ZNF141: variants seen among roughly 807,000 people sequenced by gnomAD.
ZNF141 encodes the protein zinc finger protein 141.
In ZNF141, 7 loss-of-function variants were observed where a neutral mutation model predicts 11.3. The observed-to-expected ratio is 0.62, with a 90% confidence interval of 0.35 to 1.16. The LOEUF (loss-of-function observed/expected upper bound fraction) is 1.16, where lower values mean the gene tolerates loss of function less well. Ranked by LOEUF, ZNF141 falls within the 50% of genes most tolerant of loss-of-function variation. The pLI, the probability that ZNF141 is intolerant of heterozygous loss-of-function variation, is 0.02. For synonymous variants in ZNF141, 183 were observed against 190.7 expected (o/e 0.96, Z 0.33); for missense variants, 535 against 554.0 (o/e 0.97, Z 0.34).
chr4:383,962 GC>G lies in ZNF141; in HGVS notation c.*10101del, dbSNP rs2108665542. 1 of 152,362 alleles carries G rather than the reference GC, an allele frequency of 6.6e-6. No individual in the cohort carries two copies. The highest frequency in any genetic ancestry group is 1.9e-4 in the East Asian group (1 of 5,186). The allele number at this position is 152,362 out of a possible 1,614,324, so 9.4% of individuals were successfully genotyped here. Reference sequence around the variant, plus strand: ...TGCTTTCTCACTTTAATAAAATCTTGCTTTTGCTATTCCCTTCCTGTTTTTC... The same window carrying G: ...TGCTTTCTCACTTTAATAAAATCTTGTTTTGCTATTCCCTTCCTGTTTTTC... On this transcript the variant is annotated 3_prime_UTR_variant, in exon 4 of 4. Coordinates refer to ENST00000240499, the MANE Select transcript of ZNF141 (RefSeq NM_003441.4).
intron 1 of ZNF141, among the ~76,000 whole-genome samples, chr4:341,393 G>A (rs1361547751): frequency 2.0e-5 from 3 of 152,100 alleles, no homozygotes; most frequent in Non-Finnish European, 2.9e-5. Context: ...TTATGTGAAT[G>A]GCTATTCATT....
At chr4:365,033 C>A (rs1711670342) in intron 3 of ZNF141, among the ~76,000 whole-genome samples, 1 of 152,212 alleles carries the variant, frequency 6.6e-6, no homozygotes. Flanking sequence ...CAAGCCTCAG[C>A]AATGGTGGAC....
chr4:380,229 C>T lies in ZNF141; in HGVS notation c.*6367C>T, dbSNP rs141863727. Among the ~76,000 whole-genome samples the T allele has an allele frequency of 7.6e-4, 116 of 152,256 alleles. 2 individuals are homozygous for T. In the East Asian group the frequency reaches 0.022, roughly 29 times the overall value. ...CGTTTTTGGAAAAATACATTCATTT[C>T]TTGGTTGAAAAACTCACGTGATGAG... On this transcript the variant is annotated 3_prime_UTR_variant, in exon 4 of 4. Coordinates refer to ENST00000240499, the MANE Select transcript of ZNF141 (RefSeq NM_003441.4).
intron 1 of ZNF141, among the ~76,000 whole-genome samples, chr4:342,188 CAT>C (rs1173433931): frequency 6.6e-6 from 1 of 152,182 alleles, no homozygotes; most frequent in Non-Finnish European, 1.5e-5. Flanking sequence ...AATTAACACA[CAT>C]AATATGAGCT....
intron 3 of ZNF141, among the ~76,000 whole-genome samples, chr4:357,603 T>A (rs1462702996): frequency 6.6e-6 from 1 of 152,060 alleles, no homozygotes; most frequent in Non-Finnish European, 1.5e-5. Flanking sequence ...TAAAAAAATT[T>A]TTTTTTCTCT....
At position 373,700 on chromosome 4, in the gene ZNF141, A is replaced by G; in HGVS notation, c.1263A>G (p.Lys421=). The G allele has an allele frequency of 6.2e-7, 1 of 1,614,152 alleles. No homozygotes were observed. The highest frequency in any genetic ancestry group is 1.7e-4 in the Middle Eastern group (1 of 6,058). Residue 421 remains lysine, a synonymous_variant, in exon 4 of 4, where the codon AAA becomes AAG. Coordinates refer to ENST00000240499, the MANE Select transcript of ZNF141 (RefSeq NM_003441.4). ...ATAAGAAAATTCATAGTGCAGATAA[A>G]CCCTACAAATGTAAAGAATGTGACA... is the stretch of plus-strand genomic sequence containing the variant. ...SQHKKIHSAD[K]PYKCKECDKA...
chr4:345,221 A>G (rs1222930195), intron 3 of ZNF141, among the ~76,000 whole-genome samples: 1 of 152,156 alleles, frequency 6.6e-6, no homozygotes, highest in Non-Finnish European at 1.5e-5. Context: ...TTTTAATCCT[A>G]TGGAGGCTGC....
Position 383,215 on chromosome 4 carries a change from C to T in ZNF141, c.*9353C>T. 1.4e-6 allele frequency: 1 copy of T among 694,456 alleles called. No individual in the cohort carries two copies. The highest frequency in any genetic ancestry group is 2.6e-6 in the Non-Finnish European group (1 of 381,908). The allele number at this position is 694,456 out of a possible 1,614,324, so 43.0% of individuals were successfully genotyped here. On this transcript the variant is annotated 3_prime_UTR_variant, in exon 4 of 4. Coordinates refer to ENST00000240499, the MANE Select transcript of ZNF141 (RefSeq NM_003441.4). ...CACAGAAGCAGAGCCACCTAATTCACCAGCATCTAACCACTCACACCTGAA... is the reference window on the plus strand; with the variant it reads ...CACAGAAGCAGAGCCACCTAATTCATCAGCATCTAACCACTCACACCTGAA...
rs782668473 is a variant in ZNF141 at position 344,428 on chromosome 4, C to A, written c.224C>A (p.Pro75Gln). The A allele has an allele frequency of 6.2e-7, 1 of 1,604,534 alleles. No homozygotes were observed. The highest frequency in any genetic ancestry group is 2.2e-5 in the East Asian group (1 of 44,540). Residue 75 changes from proline (P) to glutamine (Q), a missense_variant and splice_region_variant, in exon 3 of 4, where the codon CCA becomes CAA. Pro to Gln is a moderately conservative substitution (Grantham distance 76). Coordinates refer to ENST00000240499, the MANE Select transcript of ZNF141 (RefSeq NM_003441.4). ...VKIHKIVARP[P>Q]AMCSHFTQDH... Reference sequence around the variant, plus strand: ...ATACATAAGATCGTAGCCAGACCCCCAGGTAGGTGAGAGTGAATGGAGGAG... The same window carrying A: ...ATACATAAGATCGTAGCCAGACCCCAAGGTAGGTGAGAGTGAATGGAGGAG...
At chr4:355,687 G>A (rs1256370442) in intron 3 of ZNF141, among the ~76,000 whole-genome samples, 1 of 152,146 alleles carries the variant, frequency 6.6e-6, no homozygotes, top group Non-Finnish European at 1.5e-5. Flanking sequence ...AATCGATTCA[G>A]ACATTCTGTG....
rs114511550 is a variant in ZNF141 at position 352,900 on chromosome 4, T to C, written c.226+8470T>C. On this transcript the variant is annotated intron_variant, in intron 3 of 3. Coordinates refer to ENST00000240499, the MANE Select transcript of ZNF141 (RefSeq NM_003441.4). ...ATTTATAGTCAGTTGCTCAGAAGTG[T>C]AGGTGGGCCCCTGGAGTTTGTGACT... 5.6e-3 allele frequency among the ~76,000 whole-genome samples: 849 copies of C among 152,244 alleles called. 11 individuals are homozygous for C. Among genetic ancestry groups the C allele is most frequent in the African/African-American group, 0.019 (788 of 41,546 alleles).
At chr4:338,331 C>A in intron 1 of ZNF141, 1 of 306,764 alleles carries the variant, frequency 3.3e-6, no homozygotes, top group Non-Finnish European at 6.2e-6. Context: ...CCCTGCTTTA[C>A]CCTGTTCGGA....
intron 3 of ZNF141, among the ~76,000 whole-genome samples, chr4:363,252 T>G (rs1414946018): frequency 2.0e-5 from 3 of 152,234 alleles, no homozygotes; most frequent in Admixed American, 6.5e-5. Context: ...CTGAAGTTGC[T>G]TATCAGCTTG....
At chr4:351,476 G>A (rs1040629922) in intron 3 of ZNF141, among the ~76,000 whole-genome samples, 4 of 151,214 alleles carry the variant, frequency 2.6e-5, no homozygotes, top group African/African-American at 7.3e-5. Context: ...TCCGCCCCTC[G>A]GCCTCCAAAA....
At position 368,736 on chromosome 4, in the gene ZNF141, C is replaced by T. The variant is rs570059029; in HGVS notation, c.227-3928C>T. On this transcript the variant is annotated intron_variant, in intron 3 of 3. Coordinates refer to ENST00000240499, the MANE Select transcript of ZNF141 (RefSeq NM_003441.4). ...GCCGGATTTTATTGATTTAGGTGTT[C>T]ACCTTCATACTCATACCAAATTGCT... Among the ~76,000 whole-genome samples the T allele has an allele frequency of 5.9e-5, 9 of 152,180 alleles. No homozygotes were observed. The South Asian group carries it at 1.7e-3, about 28-fold the overall frequency.
chr4:365,472 G>A (rs1581616371), intron 3 of ZNF141, among the ~76,000 whole-genome samples: 2 of 152,110 alleles, frequency 1.3e-5, no homozygotes, highest in African/African-American at 2.4e-5. Context: ...ATCTTGGAAC[G>A]GGAGGTCTCT....
chr4:369,675 T>G (rs1553853276), intron 3 of ZNF141, among the ~76,000 whole-genome samples: 1 of 147,274 alleles, frequency 6.8e-6, no homozygotes, highest in Non-Finnish European at 1.5e-5. Context: ...ACTTTACTTC[T>G]TATACTTTTG....
intron 3 of ZNF141, among the ~76,000 whole-genome samples, chr4:351,815 G>C (rs1721616917): frequency 6.6e-6 from 1 of 152,172 alleles, no homozygotes; most frequent in African/African-American, 2.4e-5. Context: ...GCTCAAATTA[G>C]ACAGGGAAGG....
chr4:350,176 AGT>A (rs1464327210), intron 3 of ZNF141: 2 of 534,684 alleles, frequency 3.7e-6, no homozygotes, highest in African/African-American at 3.8e-5. Flanking sequence ...GACCAAGCTC[AGT>A]GTGCCATTTC....
Sources: gnomAD v4.1 joint callset for allele counts (sites outside exome capture counted in the v4.1 genomes callset) on GRCh38, gnomAD v4.1.1 for gene constraint, MANE v1.5 for transcripts, NCBI Gene and HGNC (gene_info 2026-07-23, HGNC 2026-07-21) for gene names.